Variants in PLK1 observed in about 807,000 individuals in gnomAD.
The protein encoded by PLK1 is polo like kinase 1, also known as serine/threonine-protein kinase PLK1.
Under a neutral mutation model 56.7 loss-of-function variants are expected in PLK1, and 6 were observed. The ratio of observed to expected loss-of-function variants is 0.11; its 90% CI spans 0.06 to 0.21. The LOEUF is 0.21. Among genes scored for constraint, PLK1 ranks in the 10% least tolerant of loss-of-function variants. The pLI is 1.00. For synonymous variants in PLK1, 298 were observed against 325.0 expected, an observed-to-expected ratio of 0.92 and a Z score of 0.89; for missense variants, 546 against 814.4, an observed-to-expected ratio of 0.67 and a Z score of 4.01.
intron 5 of PLK1, among the ~76,000 whole-genome samples, chr16:23,686,031 C>G (rs1047741992): frequency 6.6e-6 from 1 of 152,084 alleles, no homozygotes; most frequent in Admixed American, 6.6e-5. Context: ...ACTTATTTCT[C>G]TGCTTTTATT....
chr16:23,689,353 C>T lies in PLK1; in HGVS notation c.1386C>T (p.Tyr462=), dbSNP rs755677694. The T allele has an allele frequency of 1.9e-6, 3 of 1,613,314 alleles. No individual in the cohort carries two copies. The highest frequency in any genetic ancestry group is 4.5e-5 in the East Asian group (2 of 44,846). The part of the protein sequence containing the change: ...QYIERDGTES[Y]LTVSSHPNSL... ...TAGAGCGTGACGGCACTGAGTCCTA[C>T]CTCACCGTGAGTTCCCATCCCAACT... Residue 462 remains tyrosine (Y), a synonymous_variant, in exon 8 of 10, where the codon TAC becomes TAT. Transcript: ENST00000300093. This position sits in a 1 kb window ranked among gnomAD's most constrained non-coding sequence, Gnocchi z 4.8.
At position 23,680,344 on chromosome 16, in the gene PLK1, G is replaced by A. The variant is rs954736320; in HGVS notation, c.577+92G>A. On this transcript the variant is annotated intron_variant, in intron 2 of 9. Transcript: ENST00000300093. ...GAGAAAGGAAGGAGACAACCCACAAGTCAGTATCTTGCCTACAGATGCATT... is the reference window on the plus strand; with the variant it reads ...GAGAAAGGAAGGAGACAACCCACAAATCAGTATCTTGCCTACAGATGCATT... The A allele has an allele frequency of 5.7e-6, 6 of 1,048,300 alleles. No individual in the cohort carries two copies. In the Admixed American group the frequency reaches 6.1e-5, roughly 11 times the overall value. 64.9% of individuals were successfully genotyped at this position (1,048,300 alleles called of 1,614,324 possible).
Position 23,684,957 on chromosome 16 carries a change from C to CTTTTTTTT in PLK1, c.1036+903_1036+910dup, listed in dbSNP as rs71154221. On this transcript the variant is annotated intron_variant, in intron 5 of 9. Transcript: ENST00000300093. ...ACAGGCGTGAACCACCAGGCCCGGC[C>CTTTTTTTT]TTTTTTTTTTTTTTTTTTTTTTTTT... Among the ~76,000 whole-genome samples, 17 of 56,944 alleles carry CTTTTTTTT rather than the reference C, an allele frequency of 3.0e-4. 4 individuals are homozygous for CTTTTTTTT. Among genetic ancestry groups the CTTTTTTTT allele is most frequent in the Non-Finnish European group, 4.0e-4 (12 of 30,368 alleles). The allele number at this position is 56,944 out of a possible 152,430, so 37.4% of individuals were successfully genotyped here.
chr16:23,682,706 A>G (rs8049941), intron 4 of PLK1, among the ~76,000 whole-genome samples: 9,539 of 81,032 alleles, frequency 0.12, 655 homozygotes, highest in African/African-American at 0.27. Context: ...TTTTTTTTGT[A>G]TTTTTAGTAG....
intron 5 of PLK1, among the ~76,000 whole-genome samples, chr16:23,686,860 T>G (rs528923727): frequency 6.6e-6 from 1 of 152,254 alleles, no homozygotes; most frequent in Non-Finnish European, 1.5e-5. Flanking sequence ...CATGACATCG[T>G]TTTTTAATTG....
chr16:23,688,250 G>C (rs1959459752), intron 6 of PLK1, among the ~76,000 whole-genome samples: 1 of 152,240 alleles, frequency 6.6e-6, no homozygotes, highest in Admixed American at 6.5e-5. Flanking sequence ...AGATGCCTCT[G>C]ACTCTTACCA....
chr16:23,690,031 C>T lies in PLK1; in HGVS notation c.1780C>T (p.Arg594Cys), dbSNP rs778360538. 39 of 1,611,936 alleles carry T rather than the reference C, an allele frequency of 2.4e-5. No homozygotes were observed. Among genetic ancestry groups the T allele is most frequent in the African/African-American group, 1.7e-4 (13 of 74,938 alleles). ...RTMVDKLLSSRSASNRLKAS is the reference protein window; with the variant it reads ...RTMVDKLLSSCSASNRLKAS ...TATGGTGGACAAGCTGCTGAGCTCACGCTCGGCCAGCAACCGTCTCAAGGC... is the reference window on the plus strand; with the variant it reads ...TATGGTGGACAAGCTGCTGAGCTCATGCTCGGCCAGCAACCGTCTCAAGGC... Residue 594 changes from arginine to cysteine, a missense_variant, in exon 10 of 10, where the codon CGC (arginine) becomes TGC (cysteine). Arg to Cys is a radical substitution (Grantham distance 180). This residue lies in a region of PLK1 where 72 missense variants were observed against 77.9 expected (regional missense o/e 0.92). Transcript: ENST00000300093.
intron 1 of PLK1, 60 bp from the exon 2 acceptor site, chr16:23,680,024 C>T: frequency 7.9e-7 from 1 of 1,259,922 alleles, no homozygotes; most frequent in Non-Finnish European, 1.1e-6. Context: ...AACCCTCTCC[C>T]TTCCCCACCG....
chr16:23,689,817 C>T lies in PLK1; in HGVS notation c.1609-43C>T. 1 of 1,574,954 alleles carries T rather than the reference C, an allele frequency of 6.3e-7. No individual in the cohort carries two copies. Among genetic ancestry groups the T allele is most frequent in the South Asian group, 1.1e-5 (1 of 90,068 alleles). ...TCTTCCCTCTACTCCCTAACATACA[C>T]TGGCCTCTGGGATCGCCAACCCCTG... is the stretch of plus-strand genomic sequence containing the variant. On this transcript the variant is annotated intron_variant, in intron 9 of 9. Transcript: ENST00000300093. The surrounding 1 kb of genome is among the most constrained non-coding windows in gnomAD (Gnocchi z 4.8).
chr16:23,680,674 A>C (rs1959316849), intron 2 of PLK1, among the ~76,000 whole-genome samples: 1 of 152,202 alleles, frequency 6.6e-6, no homozygotes, highest in Admixed American at 6.5e-5. Flanking sequence ...TATCCCTGTC[A>C]GTTCCTGTTT....
At chr16:23,684,500 T>A (rs1268925921) in intron 5 of PLK1, among the ~76,000 whole-genome samples, 7 of 152,018 alleles carry the variant, frequency 4.6e-5, no homozygotes, top group Admixed American at 2.6e-4. Flanking sequence ...CTGTCAGGCA[T>A]GCACCACCAT....
In PLK1 at chr16:23,678,912, C is replaced by T. The variant is rs1445489346; in HGVS notation, c.-21C>T. On this transcript the variant is annotated 5_prime_UTR_variant, in exon 1 of 10. Coordinates refer to ENST00000300093, the MANE Select transcript of PLK1 (RefSeq NM_005030.6). ...GCGGAGGCTCTGCTCGGATCGAGGTCTGCAGCGCAGCTTCGGGAGCATGAG... is the reference window on the plus strand; with the variant it reads ...GCGGAGGCTCTGCTCGGATCGAGGTTTGCAGCGCAGCTTCGGGAGCATGAG... The T allele has an allele frequency of 5.4e-6, 8 of 1,488,954 alleles. No homozygotes were observed. The highest frequency in any genetic ancestry group is 1.4e-5 in the African/African-American group (1 of 71,572). The allele number at this position is 1,488,954 out of a possible 1,614,324, so 92.2% of individuals were successfully genotyped here. A position where few individuals can be genotyped will look rare whatever the true frequency, so the allele number is the denominator to read the frequency against.
rs192590986 is a variant in PLK1, at chr16:23,689,123, A to G, written c.1271-115A>G. The G allele has an allele frequency of 3.4e-4, 310 of 906,516 alleles. 2 individuals are homozygous for G. In the African/African-American group the frequency reaches 4.3e-3, roughly 12 times the overall value. The allele number at this position is 906,516 out of a possible 1,614,324, so 56.2% of individuals were successfully genotyped here. On this transcript the variant is annotated intron_variant, in intron 7 of 9. Coordinates refer to ENST00000300093, the MANE Select transcript of PLK1 (RefSeq NM_005030.6). This position sits in a 1 kb window ranked among gnomAD's most constrained non-coding sequence, Gnocchi z 4.8. ...GGTCTCAAACTCCTGGGCTCAAACAATCCTCCTCCCTCAGCCTCCCAAAGT... is the reference window on the plus strand; with the variant it reads ...GGTCTCAAACTCCTGGGCTCAAACAGTCCTCCTCCCTCAGCCTCCCAAAGT...
Position 23,678,891 on chromosome 16 carries a change from A to T in PLK1, c.-42A>T. 1 of 1,429,632 alleles carries T rather than the reference A, an allele frequency of 7.0e-7. No homozygotes were observed. Among genetic ancestry groups the T allele is most frequent in the Non-Finnish European group, 9.2e-7 (1 of 1,084,956 alleles). The allele number at this position is 1,429,632 out of a possible 1,614,324, so 88.6% of individuals were successfully genotyped here. A position where few individuals can be genotyped will look rare whatever the true frequency, so the allele number is the denominator to read the frequency against. Reference sequence around the variant, plus strand: ...TTCGGGGAGGAGCGGAGCGGTGCGGAGGCTCTGCTCGGATCGAGGTCTGCA... The same window carrying T: ...TTCGGGGAGGAGCGGAGCGGTGCGGTGGCTCTGCTCGGATCGAGGTCTGCA... On this transcript the variant is annotated 5_prime_UTR_variant, in exon 1 of 10. Coordinates refer to ENST00000300093, the MANE Select transcript of PLK1 (RefSeq NM_005030.6).
At chr16:23,688,150 G>T (rs936065656) in intron 6 of PLK1, among the ~76,000 whole-genome samples, 80 of 152,302 alleles carry the variant, frequency 5.3e-4, no homozygotes, top group Non-Finnish European at 7.8e-4. Context: ...AAATTAAGGG[G>T]TTTGTTGCAT....
chr16:23,684,950 G>A (rs1451139318), intron 5 of PLK1, among the ~76,000 whole-genome samples: 5 of 115,048 alleles, frequency 4.3e-5, no homozygotes, highest in Admixed American at 2.1e-4. Flanking sequence ...GAACCACCAG[G>A]CCCGGCCTTT....
chr16:23,679,076 C>A lies in PLK1; in HGVS notation c.144C>A (p.Arg48=), dbSNP rs375647790. Residue 48 remains arginine, a synonymous_variant, in exon 1 of 10, where the codon CGC becomes CGA. Coordinates refer to ENST00000300093, the MANE Select transcript of PLK1 (RefSeq NM_005030.6). ...KEIPEVLVDP[R]SRRRYVRGRF... ...TCCCGGAGGTCCTAGTGGACCCACG[C>A]AGCCGGCGGCGCTATGTGCGGGGCC... 1.7e-4 allele frequency: 266 copies of A among 1,606,024 alleles called. No individual in the cohort carries two copies. The highest frequency in any genetic ancestry group is 2.2e-4 in the Non-Finnish European group (254 of 1,174,124).
chr16:23,686,761 G>A (rs927594924), intron 5 of PLK1, among the ~76,000 whole-genome samples: 13 of 152,180 alleles, frequency 8.5e-5, no homozygotes, highest in African/African-American at 3.1e-4. Flanking sequence ...ATAGTGTTGG[G>A]ATTACAAGTG....
Position 23,678,956 on chromosome 16 carries a change from G to T in PLK1, c.24G>T (p.Gly8=), listed in dbSNP as rs1350839409. The change falls in exon 1 of 10, where the codon GGG becomes GGT. Residue 8 remains glycine (G), a synonymous_variant. Transcript: ENST00000300093. ...GCATGAGTGCTGCAGTGACTGCAGG[G>T]AAGCTGGCACGGGCACCGGCCGACC... is the stretch of plus-strand genomic sequence containing the variant. The part of the protein sequence containing the change: MSAAVTA[G]KLARAPADPG... The T allele has an allele frequency of 1.3e-6, 2 of 1,572,438 alleles. No homozygotes were observed. The highest frequency in any genetic ancestry group is 1.7e-6 in the Non-Finnish European group (2 of 1,159,290).
Sources: gnomAD v4.1 joint callset for allele counts (sites outside exome capture counted in the v4.1 genomes callset) on GRCh38, gnomAD v4.1.1 for gene constraint, gnomAD v4.1.1 regional missense constraint, Gnocchi (gnomAD v3.1) non-coding constraint, MANE v1.5 for transcripts, NCBI Gene and HGNC (gene_info 2026-07-23, HGNC 2026-07-21) for gene names.